Variants in CUL5 observed in about 807,000 individuals in gnomAD.
CUL5 encodes cullin-5.
In CUL5, 26 loss-of-function variants were observed where a neutral mutation model predicts 108.8. The ratio of observed to expected loss-of-function variants is 0.24; its 90% CI spans 0.18 to 0.33. The LOEUF (loss-of-function observed/expected upper bound fraction) is 0.33, where lower values mean the gene tolerates loss of function less well. CUL5 is among the 10% of genes least tolerant of loss of function. The pLI is 1.00. For synonymous variants in CUL5, 334 were observed against 298.0 expected (o/e 1.12, Z -1.25); for missense variants, 524 against 909.2 (o/e 0.58, Z 5.45).
chr11:108,088,729 T>C (rs561121707), intron 12 of CUL5, 70 bp downstream of exon 12: 2 of 1,210,570 alleles, frequency 1.7e-6, no homozygotes, highest in South Asian at 1.7e-5. Flanking sequence ...CTTATAGGAC[T>C]TTCTGTGATA....
intron 7 of CUL5, among the ~76,000 whole-genome samples, chr11:108,058,482 TC>T (rs1565250781): frequency 6.6e-6 from 1 of 151,506 alleles, no homozygotes; most frequent in Admixed American, 6.6e-5. Flanking sequence ...TCTCCTGACT[TC>T]GTGATCTGCC....
chr11:108,043,786 T>A (rs1862996892), intron 2 of CUL5, among the ~76,000 whole-genome samples: 1 of 152,228 alleles, frequency 6.6e-6, no homozygotes, highest in African/African-American at 2.4e-5. Context: ...TCCAGCACTT[T>A]GGGAGGCCAA....
At chr11:108,051,670 A>G (rs1227894341) in intron 4 of CUL5, among the ~76,000 whole-genome samples, 1 of 152,208 alleles carries the variant, frequency 6.6e-6, no homozygotes, top group East Asian at 1.9e-4. Flanking sequence ...GAACATCTAA[A>G]CAGTAGATTT....
In CUL5 at chr11:108,032,357, A is replaced by G. The variant is rs183737491; in HGVS notation, c.25-1445A>G. On this transcript the variant is annotated intron_variant, in intron 1 of 18. Transcript: ENST00000393094. Reference sequence around the variant, plus strand: ...CCCCATCTCTACAAAAAAATACAACAATTAGCTGGGCATGGTGGTGCGCAC... The same window carrying G: ...CCCCATCTCTACAAAAAAATACAACGATTAGCTGGGCATGGTGGTGCGCAC... Among the ~76,000 whole-genome samples, 26 of 152,234 alleles carry G rather than the reference A, an allele frequency of 1.7e-4. No homozygotes were observed. The East Asian group carries it at 4.8e-3, about 28-fold the overall frequency.
In CUL5 at chr11:108,009,236, T is replaced by C; in HGVS notation, c.-113T>C. On this transcript the variant is annotated 5_prime_UTR_variant, in exon 1 of 19. Coordinates refer to ENST00000393094, the MANE Select transcript of CUL5 (RefSeq NM_003478.6). ...CGCTGCTCCAGCGCCCACCACACCCTGGTGCGGGCCGACGGGCCCTGGGCC... is the reference window on the plus strand; with the variant it reads ...CGCTGCTCCAGCGCCCACCACACCCCGGTGCGGGCCGACGGGCCCTGGGCC... 1 of 1,154,270 alleles carries C rather than the reference T, an allele frequency of 8.7e-7. No homozygotes were observed. The highest frequency in any genetic ancestry group is 1.3e-6 in the Non-Finnish European group (1 of 784,972). 71.5% of individuals were successfully genotyped at this position (1,154,270 alleles called of 1,614,324 possible). A position where few individuals can be genotyped will look rare whatever the true frequency, so the allele number is the denominator to read the frequency against.
At chr11:108,051,447 G>A (rs1863218169) in intron 4 of CUL5, among the ~76,000 whole-genome samples, 1 of 152,194 alleles carries the variant, frequency 6.6e-6, no homozygotes, top group Non-Finnish European at 1.5e-5. Flanking sequence ...CTAAAGGGGG[G>A]ATAATCATAG....
intron 2 of CUL5, among the ~76,000 whole-genome samples, chr11:108,040,958 T>C (rs532667396): frequency 6.6e-6 from 1 of 152,328 alleles, no homozygotes; most frequent in South Asian, 2.1e-4. Context: ...CACCATTCCC[T>C]GTTATCCTAT....
chr11:108,088,577 A>G lies in CUL5; in HGVS notation c.1229A>G (p.Asn410Ser). The G allele has an allele frequency of 6.2e-7, 1 of 1,612,282 alleles. No individual in the cohort carries two copies. The highest frequency in any genetic ancestry group is 8.5e-7 in the Non-Finnish European group (1 of 1,179,178). The change falls in exon 12 of 19, where the codon AAT becomes AGT. Residue 410 changes from asparagine to serine, a missense_variant. By Grantham distance (46) the Asn-to-Ser change is conservative (BLOSUM62 1). Coordinates refer to ENST00000393094, the MANE Select transcript of CUL5 (RefSeq NM_003478.6). ...TCAAAATGCCCTGAGCTGCTTGCCA[A>G]TTACTGTGACATGTTGCTAAGAAAA... ...PESKCPELLA[N>S]YCDMLLRKTP...
intron 3 of CUL5, among the ~76,000 whole-genome samples, chr11:108,049,254 T>A (rs1863150356): frequency 6.6e-6 from 1 of 152,206 alleles, no homozygotes; most frequent in Non-Finnish European, 1.5e-5. Flanking sequence ...CTAGTTTTCT[T>A]TCACAATATT....
intron 11 of CUL5, among the ~76,000 whole-genome samples, 191 bp from the exon 12 acceptor site, chr11:108,088,336 A>G (rs1272748648): frequency 1.3e-5 from 2 of 152,228 alleles, no homozygotes; most frequent in African/African-American, 4.8e-5. Context: ...GTGCAGCATC[A>G]GCACTTAGGG....
At chr11:108,076,280 C>G (rs1251581662) in intron 10 of CUL5, among the ~76,000 whole-genome samples, 1 of 152,116 alleles carries the variant, frequency 6.6e-6, no homozygotes, top group Non-Finnish European at 1.5e-5. Flanking sequence ...GCGATCCATC[C>G]ACCACAGCCT....
intron 1 of CUL5, among the ~76,000 whole-genome samples, chr11:108,020,517 C>T (rs1591274742): frequency 6.7e-6 from 1 of 148,976 alleles, no homozygotes; most frequent in Non-Finnish European, 1.5e-5. Context: ...TATGTTTGTG[C>T]AGCTGAATGT....
intron 1 of CUL5, among the ~76,000 whole-genome samples, chr11:108,016,863 T>G (rs1862205629): frequency 6.6e-6 from 1 of 151,948 alleles, no homozygotes; most frequent in Non-Finnish European, 1.5e-5. Context: ...CTGGATGCAG[T>G]GGCTCATGCC....
intron 1 of CUL5, among the ~76,000 whole-genome samples, chr11:108,020,844 G>T (rs189841515): frequency 2.5e-4 from 38 of 152,310 alleles, no homozygotes; most frequent in African/African-American, 8.7e-4. Flanking sequence ...TTTATAAAGT[G>T]TACAGTAATG....
intron 11 of CUL5, among the ~76,000 whole-genome samples, chr11:108,085,704 T>C (rs1342062714): frequency 6.6e-6 from 1 of 152,200 alleles, no homozygotes; most frequent in Non-Finnish European, 1.5e-5. Context: ...AAATACCACT[T>C]ATTGTATGAT....
intron 17 of CUL5, among the ~76,000 whole-genome samples, 200 bp from the exon 18 acceptor site, chr11:108,098,206 T>C (rs1324471506): frequency 6.6e-6 from 1 of 152,236 alleles, no homozygotes; most frequent in African/African-American, 2.4e-5. Flanking sequence ...TCACTTGTTT[T>C]ATTAACAGGT....
At chr11:108,057,760 G>T (rs930458687) in intron 7 of CUL5, among the ~76,000 whole-genome samples, 1 of 152,114 alleles carries the variant, frequency 6.6e-6, no homozygotes, top group Admixed American at 6.6e-5. Context: ...CTGGTGAAAT[G>T]AATAAGACCT....
chr11:108,091,235 A>G (rs918537718), intron 13 of CUL5, among the ~76,000 whole-genome samples: 6 of 151,938 alleles, frequency 3.9e-5, no homozygotes, highest in Non-Finnish European at 8.8e-5. Context: ...TATTTTTAGT[A>G]GAGACACGGT....
In CUL5 at chr11:108,052,543, T is replaced by C; in HGVS notation, c.412-117T>C. 5 of 883,618 alleles carry C rather than the reference T, an allele frequency of 5.7e-6. No individual in the cohort carries two copies. The East Asian group carries it at 1.3e-4, about 24-fold the overall frequency. 54.7% of individuals were successfully genotyped at this position (883,618 alleles called of 1,614,324 possible). On this transcript the variant is annotated intron_variant, in intron 4 of 18. Transcript: ENST00000393094. ...TCCCAAATTGTTGGGACTACAGGCG[T>C]GAGCCACTGCACCTGGCCCAGGCCT...
Sources: allele counts gnomAD v4.1 joint callset (sites outside exome capture counted in the v4.1 genomes callset), GRCh38; gene constraint gnomAD v4.1.1; transcripts MANE v1.5; gene names NCBI Gene and HGNC (gene_info 2026-07-23, HGNC 2026-07-21).